Variants in DDA1 observed in about 807,000 individuals in gnomAD.
DDA1 encodes the protein DET1 and DDB1 associated 1.
DDA1 carries 3 observed loss-of-function variants against 18.6 expected under a neutral mutation model. The observed-to-expected ratio is 0.16, with a 90% CI of 0.07 to 0.42. The LOEUF is 0.42. Among genes scored for constraint, DDA1 ranks in the 10% least tolerant of loss-of-function variants. The probability of loss-of-function intolerance (pLI) is 0.99; values close to 1 mark genes in which losing one functional copy is unlikely to be tolerated. For missense variants in DDA1, 105 were observed against 138.2 expected (o/e 0.76, Z 1.20); for synonymous variants, 52 against 54.0 (o/e 0.96, Z 0.17).
chr19:17,315,135 ATATATATACACACACG>A lies in DDA1; in HGVS notation c.136+760_137-770del, dbSNP rs1266865153. Reference sequence around the variant, plus strand: ...TATACACACACGTATATATACACACATATATATACACACACGTATATATACACACGTGTATATACAC... The same window carrying A: ...TATACACACACGTATATATACACACATATATATACACACGTGTATATACAC... On this transcript the variant is annotated intron_variant, in intron 3 of 4. Transcript: ENST00000359866. 6.4e-5 allele frequency among the ~76,000 whole-genome samples: 5 copies of A among 78,266 alleles called. 1 individual carries two copies. The East Asian group carries it at 1.9e-3, about 30-fold the overall frequency. 51.3% of individuals were successfully genotyped at this position (78,266 alleles called of 152,430 possible).
intron 4 of DDA1, 35 bp downstream of exon 4, chr19:17,316,030 G>C (rs1390119425): frequency 1.9e-6 from 3 of 1,610,500 alleles, no homozygotes; most frequent in Non-Finnish European, 2.5e-6. Context: ...AGGGATTGTG[G>C]GTGGACAGAG....
chr19:17,309,784 C>G, intron 1 of DDA1, 127 bp downstream of exon 1: 2 of 1,252,240 alleles, frequency 1.6e-6, no homozygotes, highest in South Asian at 1.6e-5. Context: ...CGGCCCGCCC[C>G]TCCCACTCAC....
rs55971152 is a variant in DDA1, at chr19:17,315,321, A to G, written c.137-613A>G. Among the ~76,000 whole-genome samples the G allele has an allele frequency of 5.6e-3, 199 of 35,442 alleles. 59 individuals are homozygous for G. Among genetic ancestry groups the G allele is most frequent in the Non-Finnish European group, 8.3e-3 (143 of 17,220 alleles). The allele number at this position is 35,442 out of a possible 152,430, so 23.3% of individuals were successfully genotyped here. On this transcript the variant is annotated intron_variant, in intron 3 of 4. Transcript: ENST00000359866. ...ACACACGTGTATATATATACACGCT[A>G]TATATATACACACGTATATATATAC...
rs1205446196 is a variant in DDA1 at position 17,315,183 on chromosome 19, G to GTATACACACACGTGTATACACACGTGTA, written c.137-727_137-700dup. Among the ~76,000 whole-genome samples the GTATACACACACGTGTATACACACGTGTA allele has an allele frequency of 1.2e-4, 3 of 24,192 alleles. 1 individual carries two copies. The highest frequency in any genetic ancestry group is 5.1e-4 in the Admixed American group (2 of 3,908). 15.9% of individuals were successfully genotyped at this position (24,192 alleles called of 152,430 possible). Reference sequence around the variant, plus strand: ...TACACACGTGTATATACACACACGTGTATACACACACGTGTATACACACGT... The same window carrying GTATACACACACGTGTATACACACGTGTA: ...TACACACGTGTATATACACACACGTGTATACACACACGTGTATACACACGTGTATATACACACACGTGTATACACACGT... On this transcript the variant is annotated intron_variant, in intron 3 of 4. Transcript: ENST00000359866.
chr19:17,312,081 G>A (rs575842080), intron 1 of DDA1, among the ~76,000 whole-genome samples: 1 of 152,300 alleles, frequency 6.6e-6, no homozygotes, highest in South Asian at 2.1e-4. Context: ...AGTAACCCTG[G>A]GAGGTGGCCC....
At position 17,319,817 on chromosome 19, in the gene DDA1, T is replaced by G; in HGVS notation, c.*161T>G. The G allele has an allele frequency of 1.6e-6, 1 of 610,746 alleles. No homozygotes were observed. Among genetic ancestry groups the G allele is most frequent in the Non-Finnish European group, 2.9e-6 (1 of 347,790 alleles). 37.8% of individuals were successfully genotyped at this position (610,746 alleles called of 1,614,324 possible). A position where few individuals can be genotyped will look rare whatever the true frequency, so the allele number is the denominator to read the frequency against. On this transcript the variant is annotated 3_prime_UTR_variant, in exon 5 of 5. Transcript: ENST00000359866. ...CTCATAGGAGCCGATGTATTTATTTTCCTTGAGTTTTTATTTATGCTGTAA... is the reference window on the plus strand; with the variant it reads ...CTCATAGGAGCCGATGTATTTATTTGCCTTGAGTTTTTATTTATGCTGTAA...
At position 17,312,596 on chromosome 19, in the gene DDA1, C is replaced by A. The variant is rs2074184380; in HGVS notation, c.4-1427C>A. Among the ~76,000 whole-genome samples, 3 of 152,154 alleles carry A rather than the reference C, an allele frequency of 2.0e-5. No individual in the cohort carries two copies. The South Asian group carries it at 6.2e-4, about 31-fold the overall frequency. On this transcript the variant is annotated intron_variant, in intron 1 of 4. Transcript: ENST00000359866. ...TGCCTGCATCCCTGCGTCTGGGCAG[C>A]CCTCCTTTATCCCCTAAATGGGCCA...
Position 17,314,021 on chromosome 19 carries a change from A to G in DDA1, c.4-2A>G. ...TCATGTACCATCTTCCATGTCTTCT[A>G]GGCAGATTTTTTGAAAGGACTGCCT... is the stretch of plus-strand genomic sequence containing the variant. On this transcript the variant is annotated splice_acceptor_variant, in intron 1 of 4. Transcript: ENST00000359866. LOFTEE classifies it high-confidence loss of function. This position sits in a 1 kb window ranked among gnomAD's most constrained non-coding sequence, Gnocchi z 4.6. The G allele has an allele frequency of 6.2e-7, 1 of 1,613,816 alleles. No homozygotes were observed. Among genetic ancestry groups the G allele is most frequent in the Non-Finnish European group, 8.5e-7 (1 of 1,179,722 alleles).
At chr19:17,317,488 G>T (rs1462977104) in intron 4 of DDA1, among the ~76,000 whole-genome samples, 2 of 152,004 alleles carry the variant, frequency 1.3e-5, no homozygotes, top group African/African-American at 4.8e-5. Context: ...CTGCACTCCA[G>T]CCTGGGCGAC....
chr19:17,312,447 G>T (rs1452271690), intron 1 of DDA1, among the ~76,000 whole-genome samples: 1 of 152,112 alleles, frequency 6.6e-6, no homozygotes, highest in Non-Finnish European at 1.5e-5. Context: ...CCACATGGAG[G>T]CATGAGGGGC....
At chr19:17,309,759 C>T (rs1400576858) in intron 1 of DDA1, 102 bp downstream of exon 1, 8 of 1,463,494 alleles carry the variant, frequency 5.5e-6, no homozygotes, top group Admixed American at 4.3e-5. Context: ...CCGTTCTGCC[C>T]GGTCCCCTCA....
At chr19:17,315,333 ACGTATATATATACACGCTATATATATACG>A (rs2074205446) in intron 3 of DDA1, among the ~76,000 whole-genome samples, 2 of 96,932 alleles carry the variant, frequency 2.1e-5, no homozygotes, top group East Asian at 4.5e-4. Flanking sequence ...ATATATACAC[ACGTATATATATACACGCTATATATATACG>A]CTATATATAT....
At chr19:17,315,455 T>TATATA (rs1568354250) in intron 3 of DDA1, among the ~76,000 whole-genome samples, 16 of 137,120 alleles carry the variant, frequency 1.2e-4, no homozygotes, top group African/African-American at 2.0e-4. Flanking sequence ...TATATATATA[T>TATATA]TAGCCGGGCG....
intron 4 of DDA1, among the ~76,000 whole-genome samples, chr19:17,319,139 G>A (rs1250499484): frequency 6.6e-6 from 1 of 152,112 alleles, no homozygotes; most frequent in African/African-American, 2.4e-5. Flanking sequence ...TGCATGTGGT[G>A]GGGGTGACTC....
Position 17,315,232 on chromosome 19 carries a change from C to T in DDA1, c.137-702C>T, listed in dbSNP as rs1429181282. The stretch of plus-strand genomic sequence containing the variant: ...GTGTATATACACACACGTGTATACA[C>T]ACACACGTGTATATACACACACGTG... On this transcript the variant is annotated intron_variant, in intron 3 of 4. Transcript: ENST00000359866. Among the ~76,000 whole-genome samples, 13 of 47,210 alleles carry T rather than the reference C, an allele frequency of 2.8e-4. 3 individuals carry two copies. Among genetic ancestry groups the T allele is most frequent in the African/African-American group, 4.9e-4 (5 of 10,152 alleles). The allele number at this position is 47,210 out of a possible 152,430, so 31.0% of individuals were successfully genotyped here. A position where few individuals can be genotyped will look rare whatever the true frequency, so the allele number is the denominator to read the frequency against.
At chr19:17,309,795 C>CTG in intron 1 of DDA1, 138 bp downstream of exon 1, 2 of 1,152,134 alleles carry the variant, frequency 1.7e-6, no homozygotes, top group Non-Finnish European at 2.4e-6. Context: ...TCCCACTCAC[C>CTG]TGTGACCTTC....
chr19:17,319,692 G>A lies in DDA1; in HGVS notation c.*36G>A. 2 of 1,538,440 alleles carry A rather than the reference G, an allele frequency of 1.3e-6. No homozygotes were observed. Among genetic ancestry groups the A allele is most frequent in the Non-Finnish European group, 1.8e-6 (2 of 1,137,490 alleles). On this transcript the variant is annotated 3_prime_UTR_variant, in exon 5 of 5. Transcript: ENST00000359866. ...TCCACAGGCGCCTCCTGCCAGGTCT[G>A]CTCCTCGGTCGCCCACCCGCCTGCC...
chr19:17,309,564 A>C lies in DDA1; in HGVS notation c.-91A>C, dbSNP rs977282234. On this transcript the variant is annotated 5_prime_UTR_variant, in exon 1 of 5. Coordinates refer to ENST00000359866, the MANE Select transcript of DDA1 (RefSeq NM_024050.6). Reference sequence around the variant, plus strand: ...CAGTGTGGGCTGTGCCGTGGCTGGAAGTTACTGTGAGGCGGCGGCTAAGAA... The same window carrying C: ...CAGTGTGGGCTGTGCCGTGGCTGGACGTTACTGTGAGGCGGCGGCTAAGAA... 2.3e-5 allele frequency: 30 copies of C among 1,330,722 alleles called. No homozygotes were observed. Among genetic ancestry groups the C allele is most frequent in the Middle Eastern group, 4.1e-4 (2 of 4,876 alleles). 82.4% of individuals were successfully genotyped at this position (1,330,722 alleles called of 1,614,324 possible).
intron 1 of DDA1, among the ~76,000 whole-genome samples, chr19:17,313,090 A>C (rs920157643): frequency 6.6e-6 from 1 of 152,194 alleles, no homozygotes; most frequent in Non-Finnish European, 1.5e-5. Context: ...CTTGGGCCTC[A>C]GGCATCAGGG....
Sources: allele counts gnomAD v4.1 joint callset (sites outside exome capture counted in the v4.1 genomes callset), GRCh38; gene constraint gnomAD v4.1.1; non-coding constraint Gnocchi (gnomAD v3.1); transcripts MANE v1.5; gene names NCBI Gene and HGNC (gene_info 2026-07-23, HGNC 2026-07-21).